The following GRM1 variants were observed in gnomAD, a reference collection of about 807,000 sequenced individuals.
GRM1 encodes glutamate metabotropic receptor 1.
A neutral mutation model predicts 90.9 loss-of-function variants in GRM1; 33 were observed. That is an observed-to-expected ratio of 0.36 (90% CI 0.28 to 0.49). GRM1 has a LOEUF of 0.49. Ranked by LOEUF, GRM1 falls within the 20% of genes least tolerant of loss-of-function variation. The pLI is 0.99. For missense variants in GRM1, 1,190 were observed against 1,534.3 expected (o/e 0.78, Z 3.75); for synonymous variants, 700 against 613.2 (o/e 1.14, Z -2.09).
intron 2 of GRM1, among the ~76,000 whole-genome samples, chr6:146,283,221 G>C (rs1782638070): frequency 6.6e-6 from 1 of 152,200 alleles, no homozygotes; most frequent in Non-Finnish European, 1.5e-5. Context: ...GCAGATGTGT[G>C]AATGAGCATA....
chr6:146,041,342 T>C (rs1234306945), intron 1 of GRM1, among the ~76,000 whole-genome samples: 4 of 151,978 alleles, frequency 2.6e-5, no homozygotes, highest in African/African-American at 9.7e-5. Context: ...TATTGAAAGG[T>C]TAGTTATTTA....
chr6:146,418,816 T>C (rs1433926806), intron 7 of GRM1, among the ~76,000 whole-genome samples: 1 of 152,154 alleles, frequency 6.6e-6, no homozygotes, highest in Non-Finnish European at 1.5e-5. Context: ...ACCCAGGCAG[T>C]CCCAATTTAT....
At chr6:146,229,790 G>A (rs1024800559) in intron 2 of GRM1, among the ~76,000 whole-genome samples, 1 of 152,078 alleles carries the variant, frequency 6.6e-6, no homozygotes, top group African/African-American at 2.4e-5. Flanking sequence ...CATGTACTGA[G>A]TGTTTATGCT....
intron 1 of GRM1, among the ~76,000 whole-genome samples, chr6:146,124,869 G>T (rs1776138040): frequency 6.6e-6 from 1 of 152,058 alleles, no homozygotes; most frequent in Admixed American, 6.6e-5. Context: ...ACAGAGCTCT[G>T]GGAGAGAAAC....
intron 1 of GRM1, among the ~76,000 whole-genome samples, chr6:146,092,479 T>C (rs548861844): frequency 2.0e-5 from 3 of 152,122 alleles, no homozygotes; most frequent in Non-Finnish European, 4.4e-5. Context: ...GGTTTTGGTA[T>C]TGTATTATCT....
At chr6:146,388,251 G>A (rs1010345063) in intron 6 of GRM1, among the ~76,000 whole-genome samples, 1 of 151,988 alleles carries the variant, frequency 6.6e-6, no homozygotes, top group Non-Finnish European at 1.5e-5. Flanking sequence ...GCCTAGAGAC[G>A]TGAAGTTGTA....
chr6:146,300,463 T>A (rs1039855307), intron 2 of GRM1, among the ~76,000 whole-genome samples: 2 of 152,192 alleles, frequency 1.3e-5, no homozygotes, highest in Non-Finnish European at 2.9e-5. Context: ...AATGTGAAAT[T>A]TTATAGGTTG....
intron 1 of GRM1, among the ~76,000 whole-genome samples, chr6:146,152,509 G>C (rs187093077): frequency 9.9e-4 from 151 of 152,118 alleles, no homozygotes; most frequent in Middle Eastern, 6.8e-3. Flanking sequence ...GTACAAAATG[G>C]TGGTTATGAG....
intron 3 of GRM1, among the ~76,000 whole-genome samples, chr6:146,314,911 C>G (rs1783913868): frequency 6.6e-6 from 1 of 152,060 alleles, no homozygotes; most frequent in Non-Finnish European, 1.5e-5. Context: ...AGTATGTTCC[C>G]TAGTGATTAA....
intron 1 of GRM1, among the ~76,000 whole-genome samples, chr6:146,147,541 T>C (rs1246626521): frequency 6.6e-6 from 1 of 152,256 alleles, no homozygotes; most frequent in Non-Finnish European, 1.5e-5. Flanking sequence ...CTTTAATTTC[T>C]TTTAACTTTA....
intron 7 of GRM1, among the ~76,000 whole-genome samples, chr6:146,407,450 C>T (rs1777386853): frequency 6.6e-6 from 1 of 152,184 alleles, no homozygotes; most frequent in Non-Finnish European, 1.5e-5. Context: ...TATGCTATAT[C>T]TTCAAAGAGA....
chr6:146,199,066 G>A (rs565749630), intron 2 of GRM1, among the ~76,000 whole-genome samples: 3 of 152,260 alleles, frequency 2.0e-5, no homozygotes, highest in African/African-American at 7.2e-5. Context: ...GCCCATCTCT[G>A]TGACTCCTCT....
chr6:146,292,418 A>G (rs1316121433), intron 2 of GRM1, among the ~76,000 whole-genome samples: 2 of 151,970 alleles, frequency 1.3e-5, no homozygotes, highest in African/African-American at 4.8e-5. Context: ...TCAAGAATAT[A>G]TACATCTTAC....
At chr6:146,173,416 A>AAAAAAG (rs1242239910) in intron 2 of GRM1, among the ~76,000 whole-genome samples, 1 of 151,270 alleles carries the variant, frequency 6.6e-6, no homozygotes, top group Non-Finnish European at 1.5e-5. Context: ...AAAAGAAAAA[A>AAAAAAG]AAAAAGAAAA....
At chr6:146,326,403 C>T (rs1479430487) in intron 3 of GRM1, among the ~76,000 whole-genome samples, 1 of 152,032 alleles carries the variant, frequency 6.6e-6, no homozygotes, top group Non-Finnish European at 1.5e-5. Context: ...AACACATGGA[C>T]ACATCGAGGG....
chr6:146,378,567 T>A (rs1300296748), intron 5 of GRM1, among the ~76,000 whole-genome samples: 10 of 152,224 alleles, frequency 6.6e-5, no homozygotes, highest in Non-Finnish European at 1.3e-4. Flanking sequence ...GGCCAATTTC[T>A]CCCATTTGGA....
chr6:146,350,176 A>G (rs1001033283), intron 3 of GRM1, among the ~76,000 whole-genome samples: 1 of 152,238 alleles, frequency 6.6e-6, no homozygotes, highest in African/African-American at 2.4e-5. Context: ...AACCACTGGC[A>G]CTGGCTTAAG....
At chr6:146,154,853 C>T (rs1014056209) in intron 1 of GRM1, among the ~76,000 whole-genome samples, 11 of 152,302 alleles carry the variant, frequency 7.2e-5, no homozygotes, top group African/African-American at 2.4e-4. Flanking sequence ...ACCTTGCCAA[C>T]ACTGAATATT....
intron 5 of GRM1, among the ~76,000 whole-genome samples, chr6:146,358,706 T>C (rs1408432602): frequency 6.6e-6 from 1 of 152,008 alleles, no homozygotes; most frequent in Non-Finnish European, 1.5e-5. Context: ...TAATGCTAAG[T>C]TTAGACAGAG....
Sources: allele counts gnomAD v4.1 joint callset (sites outside exome capture counted in the v4.1 genomes callset), GRCh38; gene constraint gnomAD v4.1.1; transcripts MANE v1.5; gene names NCBI Gene and HGNC (gene_info 2026-07-23, HGNC 2026-07-21).